EPHA3: variants seen among roughly 807,000 people sequenced by gnomAD.
EPHA3 encodes EPH receptor A3, also known as ephrin type-A receptor 3.
Under a neutral mutation model 107.1 loss-of-function variants are expected in EPHA3, and 42 were observed. The observed-to-expected ratio is 0.39, with a 90% CI of 0.31 to 0.51. The LOEUF (loss-of-function observed/expected upper bound fraction) is 0.51, where lower values mean the gene tolerates loss of function less well. Among genes scored for constraint, EPHA3 ranks in the 20% least tolerant of loss-of-function variants. The pLI is 0.78. For missense variants in EPHA3, 1,183 were observed against 1,211.2 expected (o/e 0.98, Z 0.35); for synonymous variants, 461 against 424.8 (o/e 1.09, Z -1.05).
intron 15 of EPHA3, among the ~76,000 whole-genome samples, chr3:89,453,417 A>T (rs541112272): frequency 6.6e-6 from 1 of 152,122 alleles, no homozygotes; most frequent in Non-Finnish European, 1.5e-5. Context: ...TTATTGAAAT[A>T]TATCAAATAC....
At chr3:89,212,196 ATC>A (rs1704118241) in intron 3 of EPHA3, among the ~76,000 whole-genome samples, 1 of 152,152 alleles carries the variant, frequency 6.6e-6, no homozygotes, top group Admixed American at 6.6e-5. Flanking sequence ...TAAATACATT[ATC>A]TCTCATATTT....
At chr3:89,424,441 C>T (rs1318492501) in intron 11 of EPHA3, among the ~76,000 whole-genome samples, 1 of 151,254 alleles carries the variant, frequency 6.6e-6, no homozygotes, top group Non-Finnish European at 1.5e-5. Context: ...AATAGTAAAA[C>T]TTTAAAAGCA....
chr3:89,157,796 G>T (rs1704839591), intron 2 of EPHA3, among the ~76,000 whole-genome samples: 1 of 151,726 alleles, frequency 6.6e-6, no homozygotes, highest in Admixed American at 6.6e-5. Context: ...CTTGGCAGTA[G>T]GGTAGATAGA....
At chr3:89,137,595 T>C (rs1329517729) in intron 2 of EPHA3, among the ~76,000 whole-genome samples, 1 of 151,996 alleles carries the variant, frequency 6.6e-6, no homozygotes, top group Admixed American at 6.6e-5. Context: ...GCAACCTTAA[T>C]AGCTGTAGAT....
At chr3:89,323,978 C>G (rs1180875152) in intron 3 of EPHA3, among the ~76,000 whole-genome samples, 3 of 151,686 alleles carry the variant, frequency 2.0e-5, no homozygotes, top group Non-Finnish European at 2.9e-5. Flanking sequence ...AGTACAAATA[C>G]TATAAATACC....
intron 6 of EPHA3, among the ~76,000 whole-genome samples, chr3:89,396,225 A>G (rs1461573142): frequency 3.9e-5 from 6 of 152,196 alleles, no homozygotes; most frequent in African/African-American, 1.4e-4. Context: ...CATGACATTT[A>G]TCTCCCTTTA....
intron 11 of EPHA3, among the ~76,000 whole-genome samples, chr3:89,422,602 A>G (rs977079741): frequency 2.6e-5 from 4 of 151,592 alleles, no homozygotes; most frequent in Admixed American, 2.0e-4. Context: ...ATGAGATTAC[A>G]TAAGAATATA....
intron 5 of EPHA3, among the ~76,000 whole-genome samples, chr3:89,389,993 T>G (rs767892505): frequency 3.1e-4 from 47 of 151,658 alleles, no homozygotes; most frequent in Admixed American, 2.0e-4. Context: ...AATTATTAAC[T>G]TTTTTTAAAT....
At chr3:89,201,315 C>T (rs985326231) in intron 2 of EPHA3, among the ~76,000 whole-genome samples, 17 of 152,140 alleles carry the variant, frequency 1.1e-4, no homozygotes, top group Non-Finnish European at 1.8e-4. Flanking sequence ...CCTCCCCCAA[C>T]ATTGGGGATT....
In EPHA3 at chr3:89,197,130, T is replaced by C. The variant is rs1318662692; in HGVS notation, c.154-12730T>C. Among the ~76,000 whole-genome samples, 7 of 152,336 alleles carry C rather than the reference T, an allele frequency of 4.6e-5. No individual in the cohort carries two copies. In the Middle Eastern group the frequency reaches 0.01, roughly 222 times the overall value. ...AGGATAAAATCCAAAGTCTCTCTTA[T>C]GACCTAAAAGGACCTAAATGACCTT... On this transcript the variant is annotated intron_variant, in intron 2 of 16. Transcript: ENST00000336596.
intron 2 of EPHA3, among the ~76,000 whole-genome samples, chr3:89,186,043 CTTT>C (rs1341853842): frequency 6.6e-6 from 1 of 150,826 alleles, no homozygotes. Context: ...CCTTCTTTCT[CTTT>C]TTTTCTTCTT....
chr3:89,394,139 G>T (rs1708801947), intron 5 of EPHA3, among the ~76,000 whole-genome samples: 1 of 152,252 alleles, frequency 6.6e-6, no homozygotes, highest in East Asian at 1.9e-4. Context: ...GGCCAAGTGT[G>T]GTGGTTCATG....
At chr3:89,159,237 G>T (rs984950602) in intron 2 of EPHA3, among the ~76,000 whole-genome samples, 2 of 152,018 alleles carry the variant, frequency 1.3e-5, no homozygotes, top group African/African-American at 4.8e-5. Context: ...CAAAACTGAA[G>T]TTCCTTTTAC....
chr3:89,220,684 G>T (rs1704351590), intron 3 of EPHA3, among the ~76,000 whole-genome samples: 1 of 152,146 alleles, frequency 6.6e-6, no homozygotes, highest in East Asian at 1.9e-4. Context: ...GTGCTGACAT[G>T]AAATCAAATC....
intron 3 of EPHA3, among the ~76,000 whole-genome samples, chr3:89,324,373 G>A (rs1387668403): frequency 2.0e-5 from 3 of 151,704 alleles, no homozygotes; most frequent in Non-Finnish European, 4.4e-5. Context: ...GTTTCCCCAT[G>A]TTGGCCAGGC....
intron 15 of EPHA3, among the ~76,000 whole-genome samples, chr3:89,452,934 A>G (rs1280825208): frequency 1.3e-5 from 2 of 151,996 alleles, no homozygotes; most frequent in East Asian, 3.9e-4. Flanking sequence ...TCTTAATATC[A>G]GTATATAAGA....
In EPHA3 at chr3:89,342,142, G is replaced by A. The variant is rs375810644; in HGVS notation, c.1306+52G>A. Reference sequence around the variant, plus strand: ...TCTTATCATATCACGTCTGAGTAATGGTTTTGACTCTGGGTGGAAAACTGG... The same window carrying A: ...TCTTATCATATCACGTCTGAGTAATAGTTTTGACTCTGGGTGGAAAACTGG... On this transcript the variant is annotated intron_variant, in intron 5 of 16. Transcript: ENST00000336596. 18 of 1,473,534 alleles carry A rather than the reference G, an allele frequency of 1.2e-5. No homozygotes were observed. The African/African-American group carries it at 2.1e-4, about 18-fold the overall frequency. 91.3% of individuals were successfully genotyped at this position (1,473,534 alleles called of 1,614,324 possible). A position where few individuals can be genotyped will look rare whatever the true frequency, so the allele number is the denominator to read the frequency against.
intron 5 of EPHA3, among the ~76,000 whole-genome samples, chr3:89,372,543 C>T (rs1339030016): frequency 2.6e-5 from 4 of 151,588 alleles, no homozygotes; most frequent in African/African-American, 9.7e-5. Flanking sequence ...TCAGACTTGG[C>T]ACTGTCTGGA....
At chr3:89,223,338 C>A (rs1227232172) in intron 3 of EPHA3, among the ~76,000 whole-genome samples, 1 of 152,116 alleles carries the variant, frequency 6.6e-6, no homozygotes, top group East Asian at 1.9e-4. Context: ...TTGATGGTTG[C>A]TCTTATTAGA....
Sources: gnomAD v4.1 joint callset for allele counts (sites outside exome capture counted in the v4.1 genomes callset) on GRCh38, gnomAD v4.1.1 for gene constraint, MANE v1.5 for transcripts, NCBI Gene and HGNC (gene_info 2026-07-23, HGNC 2026-07-21) for gene names.